Variants in ITGBL1 observed in about 807,000 individuals in gnomAD.
ITGBL1 encodes the protein integrin subunit beta like 1.
In ITGBL1, 51 loss-of-function variants were observed where a neutral mutation model predicts 68.5. The observed-to-expected ratio is 0.74, with a 90% CI of 0.59 to 0.94. The LOEUF (loss-of-function observed/expected upper bound fraction) is 0.94. Ranked by LOEUF, ITGBL1 falls within the 40% of genes least tolerant of loss-of-function variation. ITGBL1 has a pLI of 0.00. For missense variants in ITGBL1, 649 were observed against 647.4 expected (o/e 1.00, Z -0.03); for synonymous variants, 209 against 227.3 (o/e 0.92, Z 0.72).
At chr13:101,468,868 G>T (rs145834250) in intron 2 of ITGBL1, among the ~76,000 whole-genome samples, 2 of 152,170 alleles carry the variant, frequency 1.3e-5, no homozygotes, top group African/African-American at 2.4e-5. Flanking sequence ...TAGAGAGATT[G>T]CATTTAACAT....
chr13:101,678,167 C>A (rs2033550910), intron 7 of ITGBL1, among the ~76,000 whole-genome samples: 1 of 152,166 alleles, frequency 6.6e-6, no homozygotes, highest in Non-Finnish European at 1.5e-5. Flanking sequence ...TTTGCATCAT[C>A]CCAAATTCGC....
At chr13:101,453,761 C>CGT in intron 1 of ITGBL1, 122 bp from the exon 2 acceptor site, 1 of 508,686 alleles carries the variant, frequency 2.0e-6, no homozygotes. Context: ...GGGCCTCAGG[C>CGT]GTCCTGTTCT....
intron 2 of ITGBL1, among the ~76,000 whole-genome samples, chr13:101,462,961 C>T (rs901927244): frequency 8.5e-5 from 13 of 152,148 alleles, no homozygotes; most frequent in Admixed American, 5.2e-4. Context: ...CAACAGTTGC[C>T]TGCATTCAGT....
At chr13:101,604,672 A>G (rs1380165157) in intron 7 of ITGBL1, among the ~76,000 whole-genome samples, 1 of 150,636 alleles carries the variant, frequency 6.6e-6, no homozygotes, top group Non-Finnish European at 1.5e-5. Context: ...GAAAACTTGT[A>G]AAGAGTTCGT....
At chr13:101,692,168 G>A (rs1037384615) in intron 7 of ITGBL1, among the ~76,000 whole-genome samples, 7 of 151,606 alleles carry the variant, frequency 4.6e-5, no homozygotes, top group African/African-American at 9.7e-5. Context: ...TTTTCTCATG[G>A]AGCAGATAGA....
At chr13:101,534,320 A>G (rs1295335958) in intron 2 of ITGBL1, among the ~76,000 whole-genome samples, 3 of 152,184 alleles carry the variant, frequency 2.0e-5, no homozygotes, top group Non-Finnish European at 4.4e-5. Context: ...TAAGTCTTAG[A>G]ATTGAGAAAG....
chr13:101,712,893 T>A (rs1459978749), intron 9 of ITGBL1: 1 of 152,194 alleles, frequency 6.6e-6, no homozygotes, highest in Non-Finnish European at 1.5e-5. Context: ...CAGACTGACC[T>A]GGGAGCAGCA....
chr13:101,512,729 G>A (rs1468258567), intron 2 of ITGBL1, among the ~76,000 whole-genome samples: 1 of 152,046 alleles, frequency 6.6e-6, no homozygotes, highest in Non-Finnish European at 1.5e-5. Context: ...AATGTTCTGA[G>A]GTATGTGGAT....
At chr13:101,604,866 A>G (rs1184784181) in intron 7 of ITGBL1, among the ~76,000 whole-genome samples, 618 of 29,084 alleles carry the variant, frequency 0.021, 59 homozygotes, top group African/African-American at 0.063. Context: ...ATATATATAT[A>G]TATATATATA....
intron 7 of ITGBL1, among the ~76,000 whole-genome samples, chr13:101,643,403 C>T (rs111794382): frequency 0.025 from 3,763 of 151,238 alleles, 97 homozygotes; most frequent in African/African-American, 0.072. Flanking sequence ...GTGATTTTTG[C>T]ACATTGATTT....
chr13:101,468,039 A>G (rs1433435759), intron 2 of ITGBL1, among the ~76,000 whole-genome samples: 1 of 152,246 alleles, frequency 6.6e-6, no homozygotes, highest in African/African-American at 2.4e-5. Context: ...ATTGTTCATT[A>G]CTGCTTTTTC....
At chr13:101,652,978 T>TC (rs1178184431) in intron 7 of ITGBL1, among the ~76,000 whole-genome samples, 22 of 151,772 alleles carry the variant, frequency 1.4e-4, no homozygotes, top group Non-Finnish European at 1.5e-4. Context: ...ATGCCTGTAA[T>TC]CCAGCTACTC....
chr13:101,575,024 A>G (rs2050333665), intron 3 of ITGBL1, among the ~76,000 whole-genome samples: 1 of 152,304 alleles, frequency 6.6e-6, no homozygotes, highest in South Asian at 2.1e-4. Flanking sequence ...AAAACATTGA[A>G]TAAATACTGG....
chr13:101,575,197 T>C (rs767533115), intron 3 of ITGBL1, among the ~76,000 whole-genome samples: 11 of 152,060 alleles, frequency 7.2e-5, no homozygotes, highest in Non-Finnish European at 1.5e-4. Flanking sequence ...CATTAAACCA[T>C]TAGAGGTCAA....
chr13:101,463,324 T>A (rs955781185), intron 2 of ITGBL1, among the ~76,000 whole-genome samples: 8 of 152,162 alleles, frequency 5.3e-5, no homozygotes, highest in Non-Finnish European at 1.0e-4. Flanking sequence ...GTGCCAGGGC[T>A]GGGTGTGCCC....
At chr13:101,574,167 A>G (rs2139267326) in intron 3 of ITGBL1, among the ~76,000 whole-genome samples, 1 of 152,298 alleles carries the variant, frequency 6.6e-6, no homozygotes, top group East Asian at 1.9e-4. Flanking sequence ...TTTTTGGATT[A>G]AAGCTGGAAA....
intron 3 of ITGBL1, 72 bp downstream of exon 3, chr13:101,567,917 G>C: frequency 8.3e-7 from 1 of 1,210,522 alleles, no homozygotes; most frequent in Non-Finnish European, 1.2e-6. Flanking sequence ...ATATGTGGGC[G>C]TGGAGAAATG....
intron 7 of ITGBL1, among the ~76,000 whole-genome samples, chr13:101,609,621 G>C (rs1220858982): frequency 1.3e-5 from 2 of 152,076 alleles, no homozygotes; most frequent in African/African-American, 4.8e-5. Context: ...TCTTGTGTTT[G>C]ATCTTGCCTT....
At chr13:101,462,151 T>C (rs1435643366) in intron 2 of ITGBL1, among the ~76,000 whole-genome samples, 2 of 152,190 alleles carry the variant, frequency 1.3e-5, no homozygotes, top group African/African-American at 2.4e-5. Flanking sequence ...GGAAACAGGT[T>C]GTGAGACCTT....
Sources: gnomAD v4.1 joint callset for allele counts (sites outside exome capture counted in the v4.1 genomes callset) on GRCh38, gnomAD v4.1.1 for gene constraint, MANE v1.5 for transcripts, NCBI Gene and HGNC (gene_info 2026-07-23, HGNC 2026-07-21) for gene names.